Variants in WWOX observed in about 807,000 individuals in gnomAD.
WWOX encodes WW domain-containing oxidoreductase.
Under a neutral mutation model 46.2 loss-of-function variants are expected in WWOX, and 69 were observed. That is an observed-to-expected ratio of 1.49 (90% CI 1.23 to 1.82). The LOEUF (loss-of-function observed/expected upper bound fraction) is 1.82, where lower values mean the gene tolerates loss of function less well. WWOX is among the 40% of genes most tolerant of loss of function. The pLI is 0.00. For missense variants in WWOX, 919 were observed against 542.6 expected (o/e 1.69, Z -6.89); for synonymous variants, 359 against 202.6 (o/e 1.77, Z -6.56).
chr16:78,130,225 A>C (rs1251973036), intron 4 of WWOX: 2 of 152,164 alleles, frequency 1.3e-5, no homozygotes, highest in East Asian at 1.9e-4. Flanking sequence ...ACAGACTAAT[A>C]CAGGGGCCTC....
rs536535649 is a variant in WWOX at position 78,394,977 on chromosome 16, C to G, written c.605+8029C>G. ...CAAGTGTGTGTAATGTGTATTTTCA[C>G]AGTGCTTTGCAGGTTGTTGATTATT... is the stretch of plus-strand genomic sequence containing the variant. On this transcript the variant is annotated intron_variant, in intron 6 of 8. Coordinates refer to ENST00000566780, the MANE Select transcript of WWOX (RefSeq NM_016373.4). Among the ~76,000 whole-genome samples the G allele has an allele frequency of 7.2e-5, 11 of 152,296 alleles. No homozygotes were observed. In the South Asian group the frequency reaches 8.3e-4, roughly 11 times the overall value.
At chr16:78,690,967 C>T (rs946513366) in intron 8 of WWOX, among the ~76,000 whole-genome samples, 1 of 152,118 alleles carries the variant, frequency 6.6e-6, no homozygotes, top group Non-Finnish European at 1.5e-5. Context: ...GAAACCAGGC[C>T]TCAATCTATA....
chr16:78,801,286 G>C (rs1278115631), intron 8 of WWOX, among the ~76,000 whole-genome samples: 2 of 152,160 alleles, frequency 1.3e-5, no homozygotes, highest in African/African-American at 2.4e-5. Flanking sequence ...AACGCAGGTA[G>C]ATCCCCTGAG....
chr16:78,493,867 T>C (rs2084846445), intron 8 of WWOX, among the ~76,000 whole-genome samples: 1 of 152,208 alleles, frequency 6.6e-6, no homozygotes, highest in African/African-American at 2.4e-5. Context: ...GTCAATTTTC[T>C]TTCCATTTGG....
At chr16:78,554,399 A>G (rs1250249621) in intron 8 of WWOX, among the ~76,000 whole-genome samples, 1 of 152,168 alleles carries the variant, frequency 6.6e-6, no homozygotes, top group Non-Finnish European at 1.5e-5. Flanking sequence ...AAAAATTGCA[A>G]CCTGAGGCAT....
At chr16:79,110,865 A>C (rs1303184651) in intron 8 of WWOX, 1 of 152,238 alleles carries the variant, frequency 6.6e-6, no homozygotes, top group African/African-American at 2.4e-5. Context: ...TCTCATCATT[A>C]AAATGAGAAC....
intron 8 of WWOX, among the ~76,000 whole-genome samples, chr16:78,441,309 A>C (rs982185696): frequency 2.0e-5 from 3 of 152,118 alleles, no homozygotes; most frequent in African/African-American, 7.2e-5. Context: ...CCATACCGTA[A>C]ATGTTCTGTA....
chr16:78,883,861 C>G (rs1470649998), intron 8 of WWOX, among the ~76,000 whole-genome samples: 1 of 152,014 alleles, frequency 6.6e-6, no homozygotes, highest in Non-Finnish European at 1.5e-5. Context: ...TACTAATATT[C>G]TAAACTAAAA....
At chr16:78,969,403 G>A (rs1274357007) in intron 8 of WWOX, among the ~76,000 whole-genome samples, 1 of 152,012 alleles carries the variant, frequency 6.6e-6, no homozygotes, top group African/African-American at 2.4e-5. Context: ...CCGAGTAGCT[G>A]GGATTACAGG....
rs922056711 is a variant in WWOX, at chr16:78,345,184, G to A, written c.517-41676G>A. On this transcript the variant is annotated intron_variant, in intron 5 of 8. Transcript: ENST00000566780. ...AGCAGTACATGGGGGTATACAGAGT[G>A]CAGGCCTCAGAACTGCAGAACATCT... 5.1e-5 allele frequency among the ~76,000 whole-genome samples: 6 copies of A among 117,780 alleles called. 2 individuals are homozygous for A. Among genetic ancestry groups the A allele is most frequent in the Non-Finnish European group, 1.0e-4 (5 of 49,710 alleles). 77.3% of individuals were successfully genotyped at this position (117,780 alleles called of 152,430 possible).
At chr16:78,338,419 AT>A (rs1406933773) in intron 5 of WWOX, among the ~76,000 whole-genome samples, 1 of 119,542 alleles carries the variant, frequency 8.4e-6, no homozygotes, top group Non-Finnish European at 2.0e-5. Context: ...TTGTCTGTTT[AT>A]TTTTTTTGCC....
intron 8 of WWOX, among the ~76,000 whole-genome samples, chr16:78,676,286 C>T (rs775965636): frequency 1.3e-5 from 2 of 152,046 alleles, no homozygotes; most frequent in African/African-American, 2.4e-5. Flanking sequence ...TGCTACCATC[C>T]TCTAAAGAAG....
At chr16:79,176,249 A>G (rs998564595) in intron 8 of WWOX, among the ~76,000 whole-genome samples, 15 of 152,218 alleles carry the variant, frequency 9.9e-5, no homozygotes, top group African/African-American at 2.9e-4. Context: ...AATGGCAGCT[A>G]CGTTCCACAA....
chr16:78,143,695 A>C (rs1024321234), intron 4 of WWOX, among the ~76,000 whole-genome samples: 1 of 150,884 alleles, frequency 6.6e-6, no homozygotes, highest in African/African-American at 2.4e-5. Flanking sequence ...GGATTCCTCT[A>C]ATAAGTTTTC....
At chr16:78,380,425 A>G (rs1178640901) in intron 5 of WWOX, among the ~76,000 whole-genome samples, 1 of 152,152 alleles carries the variant, frequency 6.6e-6, no homozygotes, top group African/African-American at 2.4e-5. Flanking sequence ...CTATAGGGAT[A>G]AATAACTGCT....
chr16:78,616,156 T>A (rs564771655), intron 8 of WWOX, among the ~76,000 whole-genome samples: 1 of 152,236 alleles, frequency 6.6e-6, no homozygotes, highest in Admixed American at 6.5e-5. Context: ...AGCAATTGTC[T>A]TCGGCTTTCC....
At chr16:78,144,872 A>G (rs2034145726) in intron 4 of WWOX, among the ~76,000 whole-genome samples, 2 of 152,140 alleles carry the variant, frequency 1.3e-5, no homozygotes, top group Admixed American at 6.5e-5. Flanking sequence ...AAAATTTGAA[A>G]TAATTCTTTT....
intron 8 of WWOX, among the ~76,000 whole-genome samples, chr16:78,591,738 C>A (rs778388459): frequency 2.6e-5 from 4 of 152,208 alleles, no homozygotes; most frequent in Non-Finnish European, 5.9e-5. Context: ...TGAGTAACTG[C>A]TCTCTGAAGG....
At chr16:78,901,650 G>A (rs1174397546) in intron 8 of WWOX, among the ~76,000 whole-genome samples, 1 of 152,142 alleles carries the variant, frequency 6.6e-6, no homozygotes, top group Admixed American at 6.5e-5. Flanking sequence ...ACCACGCTGG[G>A]TTAGTTTTTG....
Sources: allele counts gnomAD v4.1 joint callset (sites outside exome capture counted in the v4.1 genomes callset), GRCh38; gene constraint gnomAD v4.1.1; transcripts MANE v1.5; gene names NCBI Gene and HGNC (gene_info 2026-07-23, HGNC 2026-07-21).